OTOGL: variants seen among roughly 807,000 people sequenced by gnomAD.
OTOGL encodes otogelin-like protein.
Under a neutral mutation model 318.5 loss-of-function variants are expected in OTOGL, and 285 were observed. That is an observed-to-expected ratio of 0.89 (90% CI 0.81 to 0.99). The LOEUF (loss-of-function observed/expected upper bound fraction) is 0.99, where lower values mean the gene tolerates loss of function less well. Among genes scored for constraint, OTOGL ranks in the 50% least tolerant of loss-of-function variants. The probability of loss-of-function intolerance (pLI) is 0.00; values close to 1 mark genes in which losing one functional copy is unlikely to be tolerated. For synonymous variants in OTOGL, 987 were observed against 936.5 expected (o/e 1.05, Z -0.99); for missense variants, 2,899 against 2,845.6 (o/e 1.02, Z -0.43).
At chr12:80,304,756 T>G (rs1318435635) in intron 28 of OTOGL, among the ~76,000 whole-genome samples, 1 of 152,108 alleles carries the variant, frequency 6.6e-6, no homozygotes, top group African/African-American at 2.4e-5. Context: ...AGCAATATAT[T>G]TTACTACTAG....
intron 11 of OTOGL, 112 bp downstream of exon 11, chr12:80,239,551 G>A (rs1880186688): frequency 2.7e-6 from 2 of 743,194 alleles, no homozygotes; most frequent in South Asian, 2.7e-5. Context: ...TATGGGAAAT[G>A]TAAAATATAA....
chr12:80,334,233 G>A (rs2137903057), intron 38 of OTOGL, among the ~76,000 whole-genome samples: 1 of 152,234 alleles, frequency 6.6e-6, no homozygotes, highest in Admixed American at 6.5e-5. Context: ...AAGGTAGAAA[G>A]ATTACATGTG....
At chr12:80,110,565 C>T (rs942856285) in intron 1 of OTOGL, among the ~76,000 whole-genome samples, 1 of 152,158 alleles carries the variant, frequency 6.6e-6, no homozygotes, top group Non-Finnish European at 1.5e-5. Context: ...ATCCATGTCC[C>T]TGCAAAGGAC....
chr12:80,232,778 C>G, intron 8 of OTOGL, 114 bp from the exon 9 acceptor site: 1 of 953,238 alleles, frequency 1.0e-6, no homozygotes, highest in South Asian at 1.7e-5. Flanking sequence ...ACAGCTTATT[C>G]AATAATTTCA....
intron 1 of OTOGL, among the ~76,000 whole-genome samples, chr12:80,141,046 A>C (rs1021351640): frequency 6.6e-6 from 1 of 152,200 alleles, no homozygotes; most frequent in African/African-American, 2.4e-5. Flanking sequence ...TAAAGAAACA[A>C]TGATATTTCT....
At chr12:80,150,266 A>G (rs905495363) in intron 1 of OTOGL, among the ~76,000 whole-genome samples, 3 of 152,142 alleles carry the variant, frequency 2.0e-5, no homozygotes, top group African/African-American at 7.2e-5. Flanking sequence ...TTTGTCCTCT[A>G]TGTGATATTC....
At position 80,306,167 on chromosome 12, in the gene OTOGL, T is replaced by C. The variant is rs182489775; in HGVS notation, c.3333+472T>C. On this transcript the variant is annotated intron_variant, in intron 29 of 58. Transcript: ENST00000547103. ...GTGTATATGTGTGTGGGTGGGTGGATTGTGGTCAACTACCTTTGGCAGCAG... is the reference window on the plus strand; with the variant it reads ...GTGTATATGTGTGTGGGTGGGTGGACTGTGGTCAACTACCTTTGGCAGCAG... Among the ~76,000 whole-genome samples, 23 of 152,308 alleles carry C rather than the reference T, an allele frequency of 1.5e-4. No individual in the cohort carries two copies. In the East Asian group the frequency reaches 3.5e-3, roughly 23 times the overall value.
chr12:80,226,885 T>G (rs1455716099), intron 7 of OTOGL, among the ~76,000 whole-genome samples: 1 of 152,192 alleles, frequency 6.6e-6, no homozygotes, highest in East Asian at 1.9e-4. Context: ...TTTGAAGCCT[T>G]GATTTTAATT....
chr12:80,133,964 A>C (rs947107628), intron 1 of OTOGL, among the ~76,000 whole-genome samples: 22 of 151,996 alleles, frequency 1.4e-4, no homozygotes, highest in African/African-American at 4.6e-4. Flanking sequence ...AAAACAAAAA[A>C]CCCAAACAAA....
Position 80,367,476 on chromosome 12 carries a change from C to G in OTOGL, c.6332-85C>G, listed in dbSNP as rs929880381. The G allele has an allele frequency of 3.7e-6, 4 of 1,095,656 alleles. No individual in the cohort carries two copies. The African/African-American group carries it at 6.7e-5, about 18-fold the overall frequency. The allele number at this position is 1,095,656 out of a possible 1,614,324, so 67.9% of individuals were successfully genotyped here. On this transcript the variant is annotated intron_variant, in intron 53 of 58. Coordinates refer to ENST00000547103, the MANE Select transcript of OTOGL (RefSeq NM_001378609.3). ...AAAAATTGGCACATCGCAATGAAAA[C>G]ATAGACTCAAATATAAGTTCCAACG...
chr12:80,293,022 CA>C (rs1159391989), intron 26 of OTOGL, among the ~76,000 whole-genome samples: 2 of 152,018 alleles, frequency 1.3e-5, no homozygotes, highest in African/African-American at 4.8e-5. Context: ...CTTGATATTG[CA>C]AAATAAGAGT....
rs148665773 is a variant in OTOGL at position 80,152,235 on chromosome 12, T to G, written c.-20+52630T>G. Among the ~76,000 whole-genome samples, 1,157 of 151,308 alleles carry G rather than the reference T, an allele frequency of 7.6e-3. 7 individuals carry two copies. The highest frequency in any genetic ancestry group is 0.014 in the Admixed American group (218 of 15,170). On this transcript the variant is annotated intron_variant, in intron 1 of 58. Coordinates refer to ENST00000547103, the MANE Select transcript of OTOGL (RefSeq NM_001378609.3). ...AATACTGGCTCTTGGTGGTTGGGAGTTTAATAGTGAAGAACAGAGAAAACA... is the reference window on the plus strand; with the variant it reads ...AATACTGGCTCTTGGTGGTTGGGAGGTTAATAGTGAAGAACAGAGAAAACA...
At chr12:80,302,916 C>T (rs769368550) in intron 28 of OTOGL, 133 bp downstream of exon 28, 4 of 891,244 alleles carry the variant, frequency 4.5e-6, no homozygotes, top group Non-Finnish European at 6.0e-6. Context: ...TAACTCATAC[C>T]CTTGTGAAAA....
intron 1 of OTOGL, among the ~76,000 whole-genome samples, chr12:80,123,706 C>G (rs564337661): frequency 6.6e-6 from 1 of 152,140 alleles, no homozygotes; most frequent in East Asian, 1.9e-4. Context: ...CCTGTTGTTT[C>G]CTGACTTTTT....
At chr12:80,222,749 C>T (rs925064646) in intron 7 of OTOGL, among the ~76,000 whole-genome samples, 1 of 152,086 alleles carries the variant, frequency 6.6e-6, no homozygotes, top group Non-Finnish European at 1.5e-5. Context: ...CAATCACTAC[C>T]AGGAAACTGC....
chr12:80,369,767 A>C (rs916185709), intron 55 of OTOGL, among the ~76,000 whole-genome samples: 4 of 152,020 alleles, frequency 2.6e-5, no homozygotes, highest in Non-Finnish European at 5.9e-5. Context: ...GCCTAGAACA[A>C]CATGCCCCCA....
At chr12:80,148,474 G>C (rs563197349) in intron 1 of OTOGL, among the ~76,000 whole-genome samples, 2 of 148,958 alleles carry the variant, frequency 1.3e-5, no homozygotes, top group African/African-American at 5.0e-5. Context: ...TTTCTCTCTG[G>C]CTGCCCTTAA....
In OTOGL at chr12:80,195,250, G is replaced by A. The variant is rs181410375; in HGVS notation, c.-19-14163G>A. 2.1e-3 allele frequency among the ~76,000 whole-genome samples: 323 copies of A among 152,294 alleles called. 2 individuals are homozygous for A. The highest frequency in any genetic ancestry group is 7.6e-3 in the African/African-American group (316 of 41,554). ...TTAATAGCATTTTAAGACAGAATTT[G>A]CAGTTTGGCTCAGCTTAGCAAGGCA... is the stretch of plus-strand genomic sequence containing the variant. On this transcript the variant is annotated intron_variant, in intron 1 of 58. Transcript: ENST00000547103.
intron 4 of OTOGL, among the ~76,000 whole-genome samples, chr12:80,213,005 C>T (rs756885497): frequency 4.6e-5 from 7 of 152,010 alleles, no homozygotes; most frequent in Non-Finnish European, 1.0e-4. Context: ...GGCAAGTCCA[C>T]AGAGTAAAGT....
Sources: allele counts gnomAD v4.1 joint callset (sites outside exome capture counted in the v4.1 genomes callset), GRCh38; gene constraint gnomAD v4.1.1; transcripts MANE v1.5; gene names NCBI Gene and HGNC (gene_info 2026-07-23, HGNC 2026-07-21).